EDC3: variants seen among roughly 807,000 people sequenced by gnomAD.
EDC3 encodes enhancer of mRNA decapping 3, also known as enhancer of mRNA-decapping protein 3.
Under a neutral mutation model 41.8 loss-of-function variants are expected in EDC3, and 20 were observed. The ratio of observed to expected loss-of-function variants is 0.48; its 90% CI spans 0.34 to 0.70. The LOEUF (loss-of-function observed/expected upper bound fraction) is 0.70. EDC3 is among the 30% of genes least tolerant of loss of function. The pLI is 0.01. For synonymous variants in EDC3, 206 were observed against 243.2 expected (o/e 0.85, Z 1.42); for missense variants, 444 against 636.8 (o/e 0.70, Z 3.26).
chr15:74,638,811 C>G (rs1021082184), intron 5 of EDC3: 6 of 152,032 alleles, frequency 3.9e-5, no homozygotes, highest in Non-Finnish European at 8.8e-5. Context: ...ACTTGAAGTT[C>G]ACTGATTTCT....
intron 4 of EDC3, among the ~76,000 whole-genome samples, chr15:74,645,945 G>A (rs2062411273): frequency 6.6e-6 from 1 of 152,034 alleles, no homozygotes; most frequent in African/African-American, 2.4e-5. Flanking sequence ...AATGTTTATA[G>A]AGTAACAGTA....
chr15:74,653,998 A>G (rs1285648486), intron 4 of EDC3, among the ~76,000 whole-genome samples: 3 of 152,084 alleles, frequency 2.0e-5, no homozygotes, highest in Non-Finnish European at 4.4e-5. Flanking sequence ...CACACCTGTA[A>G]TCCCAGCGCT....
chr15:74,667,105 T>C (rs2062684373), intron 3 of EDC3, among the ~76,000 whole-genome samples: 1 of 151,914 alleles, frequency 6.6e-6, no homozygotes, highest in Non-Finnish European at 1.5e-5. Context: ...AATTGAATAA[T>C]TATGTAAAGA....
intron 3 of EDC3, among the ~76,000 whole-genome samples, chr15:74,670,283 C>T (rs564569159): frequency 6.6e-6 from 1 of 152,088 alleles, no homozygotes; most frequent in East Asian, 1.9e-4. Context: ...ATTTAAGGAG[C>T]ATAACAGATT....
intron 2 of EDC3, among the ~76,000 whole-genome samples, chr15:74,674,006 G>A (rs1255385943): frequency 3.3e-5 from 5 of 152,030 alleles, no homozygotes; most frequent in African/African-American, 1.2e-4. Context: ...AAAAAGTAAA[G>A]GAATGGAGGA....
intron 3 of EDC3, among the ~76,000 whole-genome samples, chr15:74,665,425 C>CGT (rs1303353793): frequency 6.6e-6 from 1 of 152,188 alleles, no homozygotes; most frequent in Non-Finnish European, 1.5e-5. Flanking sequence ...AGCTCATAGA[C>CGT]TAAGATTTCA....
chr15:74,663,804 CTAGCTGT>C (rs1329134702), intron 3 of EDC3, among the ~76,000 whole-genome samples: 1 of 151,750 alleles, frequency 6.6e-6, no homozygotes, highest in African/African-American at 2.4e-5. Flanking sequence ...ACAAACATGA[CTAGCTGT>C]AAAGTTCGTT....
rs535001542 is a variant in EDC3, at chr15:74,635,785, G to A, written c.975-159C>T. 2.3e-3 allele frequency: 1,551 copies of A among 660,622 alleles called. 8 individuals are homozygous for A. Among genetic ancestry groups the A allele is most frequent in the South Asian group, 7.2e-3 (370 of 51,428 alleles). 40.9% of individuals were successfully genotyped at this position (660,622 alleles called of 1,614,324 possible). On this transcript the variant is annotated intron_variant, in intron 5 of 6. Transcript: ENST00000315127. Reference sequence around the variant, plus strand: ...GGGGGACAAAATCCACTGCAGGCCAGGTCTATAGGGTGGCACTCCTGTTGT... The same window carrying A: ...GGGGGACAAAATCCACTGCAGGCCAAGTCTATAGGGTGGCACTCCTGTTGT...
At chr15:74,654,904 C>T (rs1297859631) in intron 4 of EDC3, among the ~76,000 whole-genome samples, 3 of 152,098 alleles carry the variant, frequency 2.0e-5, no homozygotes, top group Non-Finnish European at 4.4e-5. Flanking sequence ...AACTTCAAAC[C>T]AAAATAAAAA....
chr15:74,637,882 T>A (rs1375191191), intron 5 of EDC3: 2 of 152,186 alleles, frequency 1.3e-5, no homozygotes, highest in African/African-American at 4.8e-5. Context: ...AGGCTTTGGA[T>A]CTGTGAGTGC....
chr15:74,686,201 T>G (rs768673939), intron 1 of EDC3, among the ~76,000 whole-genome samples: 1 of 152,150 alleles, frequency 6.6e-6, no homozygotes, highest in Non-Finnish European at 1.5e-5. Context: ...GGCATGTTCC[T>G]GTAATCCCAG....
At chr15:74,673,903 G>A (rs185439699) in intron 2 of EDC3, among the ~76,000 whole-genome samples, 2 of 149,814 alleles carry the variant, frequency 1.3e-5, no homozygotes, top group East Asian at 3.9e-4. Context: ...AGTTTGTCTA[G>A]AGAATAAAAG....
At chr15:74,679,056 G>T (rs1212444865) in intron 1 of EDC3, among the ~76,000 whole-genome samples, 2 of 151,912 alleles carry the variant, frequency 1.3e-5, no homozygotes, top group Non-Finnish European at 2.9e-5. Context: ...AATTAGCCAG[G>T]TGTGGTGGTA....
intron 6 of EDC3, 179 bp downstream of exon 6, chr15:74,635,230 G>A (rs1229920027): frequency 5.6e-6 from 4 of 712,360 alleles, no homozygotes; most frequent in Non-Finnish European, 1.0e-5. Context: ...AGTAGTTGGA[G>A]AGGGAGAAGC....
chr15:74,665,727 C>G (rs765128594), intron 3 of EDC3, among the ~76,000 whole-genome samples: 1 of 151,984 alleles, frequency 6.6e-6, no homozygotes, highest in Non-Finnish European at 1.5e-5. Context: ...ACAAATTCCT[C>G]AACTCCTTAT....
chr15:74,662,390 C>T (rs2062630275), intron 3 of EDC3, among the ~76,000 whole-genome samples: 1 of 151,650 alleles, frequency 6.6e-6, no homozygotes, highest in African/African-American at 2.4e-5. Context: ...GTACACAAAA[C>T]TCTGCTGAAT....
chr15:74,663,687 T>C (rs889220929), intron 3 of EDC3, among the ~76,000 whole-genome samples: 1 of 150,426 alleles, frequency 6.6e-6, no homozygotes, highest in Non-Finnish European at 1.5e-5. Flanking sequence ...AAGAAAACTT[T>C]TGTTCAGTTT....
At chr15:74,691,201 C>G (rs2063003879) in intron 1 of EDC3, among the ~76,000 whole-genome samples, 1 of 151,958 alleles carries the variant, frequency 6.6e-6, no homozygotes. Context: ...TCTGAACTTC[C>G]TTACTAACCA....
Position 74,640,588 on chromosome 15 carries a change from A to G in EDC3, c.852T>C (p.Tyr284=), listed in dbSNP as rs755323648. ...CGGACAACAGCTTTTTATGCAGCTC[A>G]TAGGAAATACTTGGGACAACCAGGC... ...DSGLVVPSIS[Y]ELHKKLLSVA... Residue 284 remains tyrosine (Y), a synonymous_variant, in exon 5 of 7, where the codon TAT becomes TAC. Transcript: ENST00000315127. 1 of 1,614,208 alleles carries G rather than the reference A, an allele frequency of 6.2e-7. No individual in the cohort carries two copies.
Sources: gnomAD v4.1 joint callset for allele counts (sites outside exome capture counted in the v4.1 genomes callset) on GRCh38, gnomAD v4.1.1 for gene constraint, MANE v1.5 for transcripts, NCBI Gene and HGNC (gene_info 2026-07-23, HGNC 2026-07-21) for gene names.